The following BPTF variants were observed in gnomAD, a reference collection of about 807,000 sequenced individuals.
BPTF encodes nucleosome-remodeling factor subunit BPTF.
A neutral mutation model predicts 292.5 loss-of-function variants in BPTF; 18 were observed. The observed-to-expected ratio is 0.06, with a 90% confidence interval of 0.04 to 0.09. The LOEUF (loss-of-function observed/expected upper bound fraction) is 0.09. BPTF is among the 10% of genes least tolerant of loss of function. The pLI is 1.00. For synonymous variants in BPTF, 1,225 were observed against 1,251.9 expected (o/e 0.98, Z 0.45); for missense variants, 2,726 against 3,498.7 (o/e 0.78, Z 5.57).
intron 9 of BPTF, among the ~76,000 whole-genome samples, 187 bp downstream of exon 9, chr17:67,905,027 A>G (rs2062080876): frequency 6.6e-6 from 1 of 152,216 alleles, no homozygotes; most frequent in African/African-American, 2.4e-5. Flanking sequence ...CAGGAATTTG[A>G]TGTCTCAGAT....
intron 9 of BPTF, among the ~76,000 whole-genome samples, chr17:67,907,734 C>T (rs192607493): frequency 2.2e-4 from 33 of 152,234 alleles, no homozygotes; most frequent in African/African-American, 7.9e-4. Context: ...TCCCAGAAAT[C>T]ATGTTTCACC....
chr17:67,888,045 T>C (rs1598437330), intron 4 of BPTF, among the ~76,000 whole-genome samples: 1 of 152,070 alleles, frequency 6.6e-6, no homozygotes, highest in East Asian at 1.9e-4. Context: ...GTAGGAATGG[T>C]TTTCTAAGGA....
intron 8 of BPTF, among the ~76,000 whole-genome samples, chr17:67,904,260 C>A (rs557594688): frequency 7.4e-4 from 112 of 152,258 alleles, no homozygotes; most frequent in African/African-American, 2.6e-3. Context: ...GAACTCCTGA[C>A]CTCAGGTGAT....
chr17:67,893,094 G>T, intron 5 of BPTF: 7 of 359,122 alleles, frequency 1.9e-5, no homozygotes, highest in Admixed American at 9.3e-5. Context: ...GGGTATATTT[G>T]AAGTATTAAT....
chr17:67,931,808 C>A, intron 17 of BPTF, 103 bp from the exon 18 acceptor site: 1 of 760,866 alleles, frequency 1.3e-6, no homozygotes, highest in Non-Finnish European at 2.0e-6. Context: ...TTCCTGTAAA[C>A]ATTTTTATTA....
intron 1 of BPTF, among the ~76,000 whole-genome samples, chr17:67,851,330 T>C (rs2058390169): frequency 6.6e-6 from 1 of 151,920 alleles, no homozygotes; most frequent in African/African-American, 2.4e-5. Flanking sequence ...TAGAGATTTC[T>C]CTGAAACAGT....
chr17:67,951,523 C>T (rs1429474727), intron 23 of BPTF: 2 of 152,034 alleles, frequency 1.3e-5, no homozygotes, highest in African/African-American at 2.4e-5. Context: ...ACACTGTTTC[C>T]GTTCCACATT....
chr17:67,927,740 T>A (rs2064036027), intron 15 of BPTF, among the ~76,000 whole-genome samples: 1 of 152,190 alleles, frequency 6.6e-6, no homozygotes, highest in South Asian at 2.1e-4. Flanking sequence ...CCAGAAAAAC[T>A]TGTTATAAAA....
chr17:67,877,224 A>G (rs2060103701), intron 4 of BPTF, among the ~76,000 whole-genome samples: 1 of 152,212 alleles, frequency 6.6e-6, no homozygotes, highest in Non-Finnish European at 1.5e-5. Flanking sequence ...GGTGACTTAC[A>G]TTCTAGTGGG....
intron 27 of BPTF, among the ~76,000 whole-genome samples, chr17:67,978,637 A>G (rs1403764941): frequency 6.6e-6 from 1 of 152,110 alleles, no homozygotes; most frequent in African/African-American, 2.4e-5. Flanking sequence ...CAAGTGGTTC[A>G]GGAAAGCAAT....
chr17:67,937,000 G>T (rs1417224435), intron 18 of BPTF, among the ~76,000 whole-genome samples: 1 of 152,144 alleles, frequency 6.6e-6, no homozygotes, highest in East Asian at 1.9e-4. Context: ...GCTGTTCCAG[G>T]CCCAAATGGC....
chr17:67,943,630 A>G (rs2065569321), intron 19 of BPTF, among the ~76,000 whole-genome samples: 1 of 152,150 alleles, frequency 6.6e-6, no homozygotes, highest in South Asian at 2.1e-4. Flanking sequence ...CAGGAGATCT[A>G]GGTTCCTTCT....
chr17:67,826,016 G>C lies in BPTF; in HGVS notation c.292G>C (p.Gly98Arg). ...SAPGRGGRGG[G>R]GGRTGGGGGG... ...CCCGGGCCGGGGGGGGCGAGGAGGC[G>C]GGGGCGGCAGGACGGGGGGCGGGGG... The change falls in exon 1 of 28, where the codon GGG becomes CGG. Residue 98 changes from glycine (G) to arginine (R), a missense_variant. Gly to Arg is a moderately radical substitution (Grantham distance 125, BLOSUM62 -2). Transcript: ENST00000306378. 1.7e-6 allele frequency: 2 copies of C among 1,187,384 alleles called. No individual in the cohort carries two copies. The highest frequency in any genetic ancestry group is 2.1e-6 in the Non-Finnish European group (2 of 953,986). 73.6% of individuals were successfully genotyped at this position (1,187,384 alleles called of 1,614,324 possible).
At chr17:67,971,235 C>T (rs966368056) in intron 26 of BPTF, among the ~76,000 whole-genome samples, 6 of 152,144 alleles carry the variant, frequency 3.9e-5, no homozygotes, top group Admixed American at 2.6e-4. Flanking sequence ...TGCGCCACCA[C>T]ACCCAGCTAA....
At chr17:67,940,085 AATATT>A (rs1454295894) in intron 18 of BPTF, among the ~76,000 whole-genome samples, 19 of 152,290 alleles carry the variant, frequency 1.2e-4, no homozygotes, top group African/African-American at 4.1e-4. Flanking sequence ...ACTTATTTTT[AATATT>A]ATATTCCTAA....
chr17:67,890,683 C>T (rs537814417), intron 4 of BPTF, among the ~76,000 whole-genome samples: 227 of 152,144 alleles, frequency 1.5e-3, no homozygotes, highest in African/African-American at 5.3e-3. Context: ...GGAAGTATCT[C>T]CCCAAAGGAA....
chr17:67,968,104 T>TA (rs1414805044), intron 26 of BPTF, among the ~76,000 whole-genome samples: 2 of 151,394 alleles, frequency 1.3e-5, no homozygotes, highest in African/African-American at 2.4e-5. Flanking sequence ...ATGATTTTAC[T>TA]AAAAAATAAT....
At chr17:67,864,893 C>T (rs1041893468) in intron 2 of BPTF, among the ~76,000 whole-genome samples, 5 of 152,122 alleles carry the variant, frequency 3.3e-5, no homozygotes, top group Non-Finnish European at 5.9e-5. Flanking sequence ...TAGGCTCCAC[C>T]TCCTGGGTTC....
chr17:67,836,243 T>C (rs2057122840), intron 1 of BPTF, among the ~76,000 whole-genome samples: 1 of 152,172 alleles, frequency 6.6e-6, no homozygotes, highest in East Asian at 1.9e-4. Context: ...TAGACTTCTT[T>C]CTACTCATGG....
Sources: allele counts gnomAD v4.1 joint callset (sites outside exome capture counted in the v4.1 genomes callset), GRCh38; gene constraint gnomAD v4.1.1; transcripts MANE v1.5; gene names NCBI Gene and HGNC (gene_info 2026-07-23, HGNC 2026-07-21).